The following GAK variants were observed in gnomAD, a reference collection of about 807,000 sequenced individuals.
GAK encodes the protein cyclin-G-associated kinase.
Under a neutral mutation model 143.9 loss-of-function variants are expected in GAK, and 79 were observed. That is an observed-to-expected ratio of 0.55 (90% CI 0.46 to 0.66). GAK has a LOEUF of 0.66. GAK is among the 30% of genes least tolerant of loss of function. The pLI, the probability that GAK is intolerant of heterozygous loss-of-function variation, is 0.00. For synonymous variants in GAK, 881 were observed against 765.5 expected (o/e 1.15, Z -2.49); for missense variants, 1,693 against 1,779.7 (o/e 0.95, Z 0.88).
intron 24 of GAK, among the ~76,000 whole-genome samples, chr4:857,583 A>G (rs1275154334): frequency 1.3e-5 from 2 of 152,202 alleles, no homozygotes; most frequent in Admixed American, 1.3e-4. Context: ...GTCGTCAAGC[A>G]TACTGCACAG....
chr4:884,112 GT>G, intron 11 of GAK, 26 bp from the exon 12 acceptor site: 1 of 1,606,236 alleles, frequency 6.2e-7, no homozygotes, highest in Non-Finnish European at 8.5e-7. Context: ...AGAGAACTTG[GT>G]TATGACAAGA....
Position 927,984 on chromosome 4 carries a change from G to C in GAK, c.145+4059C>G, listed in dbSNP as rs188065197. Among the ~76,000 whole-genome samples, 803 of 152,362 alleles carry C rather than the reference G, an allele frequency of 5.3e-3. 7 individuals are homozygous for C. The highest frequency in any genetic ancestry group is 0.018 in the African/African-American group (751 of 41,580). ...GCCAAGAGAACAGCACGGAGCTTCAGAGGCTGGTGCCCTCAGTCACAAGTC... is the reference window on the plus strand; with the variant it reads ...GCCAAGAGAACAGCACGGAGCTTCACAGGCTGGTGCCCTCAGTCACAAGTC... On this transcript the variant is annotated intron_variant, in intron 1 of 27. Coordinates refer to ENST00000314167, the MANE Select transcript of GAK (RefSeq NM_005255.4).
intron 24 of GAK, chr4:852,361 C>G (rs990889671): frequency 2.4e-5 from 7 of 297,588 alleles, no homozygotes; most frequent in Non-Finnish European, 4.5e-5. Context: ...AGTGTCCCCA[C>G]GTCTGTAGCG....
At chr4:855,875 A>T (rs921277386) in intron 24 of GAK, among the ~76,000 whole-genome samples, 23 of 152,298 alleles carry the variant, frequency 1.5e-4, no homozygotes, top group African/African-American at 5.5e-4. Flanking sequence ...GAATTGCTTG[A>T]AACTGGGAGG....
At chr4:882,062 CG>C (rs1560346544) in intron 14 of GAK, 22 bp from the exon 15 acceptor site, 1 of 1,583,450 alleles carries the variant, frequency 6.3e-7, no homozygotes, top group Admixed American at 1.7e-5. Flanking sequence ...AGACACGTCT[CG>C]CGTGCGCCTC....
chr4:929,537 C>G (rs1247019211), intron 1 of GAK, among the ~76,000 whole-genome samples: 1 of 152,146 alleles, frequency 6.6e-6, no homozygotes, highest in Admixed American at 6.5e-5. Context: ...ATGGTTGGTG[C>G]TCCTGATAAT....
At chr4:867,973 G>T (rs1472169245) in intron 20 of GAK, among the ~76,000 whole-genome samples, 1 of 152,260 alleles carries the variant, frequency 6.6e-6, no homozygotes, top group African/African-American at 2.4e-5. Context: ...GCACTAGGGG[G>T]TAGGAACACC....
chr4:876,958 TGA>T (rs1312083196), intron 17 of GAK, 130 bp downstream of exon 17: 1 of 651,298 alleles, frequency 1.5e-6, no homozygotes, highest in African/African-American at 1.8e-5. Context: ...AGTCGCCACA[TGA>T]GAGCCCACGG....
intron 1 of GAK, among the ~76,000 whole-genome samples, chr4:914,531 C>T (rs1167315999): frequency 1.1e-5 from 1 of 94,466 alleles, no homozygotes; most frequent in Non-Finnish European, 2.1e-5. Flanking sequence ...CCAGCGTGCA[C>T]GGCCACACAC....
intron 4 of GAK, among the ~76,000 whole-genome samples, chr4:907,997 C>T (rs1389832572): frequency 2.0e-5 from 3 of 152,246 alleles, no homozygotes; most frequent in Admixed American, 1.3e-4. Context: ...CTGTCCCCGC[C>T]GCTCCCTCGT....
Position 893,463 on chromosome 4 carries a change from C to G in GAK, c.904G>C (p.Glu302Gln). The G allele has an allele frequency of 6.3e-7, 1 of 1,583,472 alleles. No individual in the cohort carries two copies. The highest frequency in any genetic ancestry group is 8.6e-7 in the Non-Finnish European group (1 of 1,166,982). Reference protein sequence around the residue: ...IRAMLQVNPEERLSIAEVVHQ... With the variant: ...IRAMLQVNPEQRLSIAEVVHQ... ...ACCACCTCGGCGATGGACAGCCGCT[C>G]CTCCGGGTTCACCTGCAGCATGGCG... Residue 302 changes from glutamate to glutamine, a missense_variant, in exon 9 of 28, where the codon GAG becomes CAG. Around this residue, in one of 2 missense-constraint regions of GAK, gnomAD observed 871 missense variants for 991.0 expected, o/e 0.88. Transcript: ENST00000314167.
chr4:928,503 A>G (rs1271657008), intron 1 of GAK, among the ~76,000 whole-genome samples: 3 of 152,196 alleles, frequency 2.0e-5, no homozygotes, highest in Non-Finnish European at 4.4e-5. Flanking sequence ...TGCACTCAAC[A>G]TGGGCGACAG....
chr4:868,722 G>C (rs1185042778), intron 19 of GAK, 37 bp from the exon 20 acceptor site: 1 of 1,538,120 alleles, frequency 6.5e-7, no homozygotes, highest in Admixed American at 2.0e-5. Context: ...ACTGGCACTG[G>C]CCAGCAGCCT....
Position 877,103 on chromosome 4 carries a change from C to T in GAK, c.1961G>A (p.Arg654Gln), listed in dbSNP as rs199572880. Residue 654 changes from arginine (R) to glutamine (Q), a missense_variant, in exon 17 of 28, where the codon CGG (arginine) becomes CAG (glutamine). Coordinates refer to ENST00000314167, the MANE Select transcript of GAK (RefSeq NM_005255.4). ...AGGCTCTCTCACCTTGGCCTGCAGC[C>T]GGCCGCCCAGAGTGGACCGGGCGTG... Reference protein sequence around the residue: ...IYHARSTLGGRLQAKMASMKM... With the variant: ...IYHARSTLGGQLQAKMASMKM... 1.3e-4 allele frequency: 208 copies of T among 1,612,458 alleles called. No homozygotes were observed. Among genetic ancestry groups the T allele is most frequent in the Non-Finnish European group, 1.6e-4 (191 of 1,178,702 alleles).
intron 4 of GAK, among the ~76,000 whole-genome samples, chr4:908,657 G>A (rs917085501): frequency 2.8e-4 from 43 of 152,034 alleles, no homozygotes; most frequent in African/African-American, 9.4e-4. Flanking sequence ...GCATGGTGGT[G>A]CACACCTGAA....
rs768421354 is a variant in GAK at position 870,733 on chromosome 4, C to T, written c.2226G>A (p.Gln742=). The change falls in exon 19 of 28, where the codon CAG becomes CAA. Residue 742 remains glutamine, a synonymous_variant. Coordinates refer to ENST00000314167, the MANE Select transcript of GAK (RefSeq NM_005255.4). ...PKILFSSREE[Q]QDILSKFGKP... is the part of the protein sequence containing the mutation. Reference sequence around the variant, plus strand: ...TACCAAACTTAGACAGAATGTCTTGCTGCTCCTCCCGGCTGGAAAACAGGA... The same window carrying T: ...TACCAAACTTAGACAGAATGTCTTGTTGCTCCTCCCGGCTGGAAAACAGGA... 3.7e-6 allele frequency: 6 copies of T among 1,613,828 alleles called. No individual in the cohort carries two copies. Among genetic ancestry groups the T allele is most frequent in the African/African-American group, 1.3e-5 (1 of 74,932 alleles).
chr4:893,514 G>T, intron 8 of GAK, 25 bp from the exon 9 acceptor site: 1 of 1,498,978 alleles, frequency 6.7e-7, no homozygotes, highest in South Asian at 1.3e-5. Flanking sequence ...CAGCGCGCTC[G>T]GCCCCACGGT....
intron 17 of GAK, 58 bp downstream of exon 17, chr4:877,032 G>C: frequency 8.2e-7 from 1 of 1,216,678 alleles, no homozygotes; most frequent in Non-Finnish European, 1.2e-6. Flanking sequence ...GTGGCCCCCA[G>C]CCCCCCATGA....
intron 23 of GAK, among the ~76,000 whole-genome samples, chr4:863,277 G>A (rs774728333): frequency 6.6e-6 from 1 of 152,226 alleles, no homozygotes; most frequent in Non-Finnish European, 1.5e-5. Context: ...GCAATCTCAG[G>A]ATGAAACCTG....
Sources: allele counts gnomAD v4.1 joint callset (sites outside exome capture counted in the v4.1 genomes callset), GRCh38; gene constraint gnomAD v4.1.1; regional missense constraint gnomAD v4.1.1; transcripts MANE v1.5; gene names NCBI Gene and HGNC (gene_info 2026-07-23, HGNC 2026-07-21).